The following WDPCP variants were observed in gnomAD, a reference collection of about 807,000 sequenced individuals.
WDPCP encodes the protein WD repeat containing planar cell polarity effector.
In WDPCP, 71 loss-of-function variants were observed where a neutral mutation model predicts 93.1. That is an observed-to-expected ratio of 0.76 (90% CI 0.63 to 0.93). WDPCP has a LOEUF of 0.93. Among genes scored for constraint, WDPCP ranks in the 40% least tolerant of loss-of-function variants. WDPCP has a pLI of 0.00. For missense variants in WDPCP, 844 were observed against 887.4 expected, an observed-to-expected ratio of 0.95 and a Z score of 0.62; for synonymous variants, 315 against 315.0, an observed-to-expected ratio of 1.00 and a Z score of 0.00.
intron 6 of WDPCP, among the ~76,000 whole-genome samples, chr2:63,450,430 C>G (rs951263894): frequency 1.3e-5 from 2 of 152,198 alleles, no homozygotes; most frequent in African/African-American, 4.8e-5. Context: ...CTGCTACTGG[C>G]ATCACCCATA....
chr2:63,221,427 C>G (rs893274027), intron 14 of WDPCP, among the ~76,000 whole-genome samples: 1 of 152,052 alleles, frequency 6.6e-6, no homozygotes, highest in African/African-American at 2.4e-5. Flanking sequence ...ACAGAGGAGC[C>G]AATAGGCCCA....
chr2:63,386,965 A>G (rs562949006), intron 10 of WDPCP, among the ~76,000 whole-genome samples: 58 of 152,224 alleles, frequency 3.8e-4, no homozygotes, highest in African/African-American at 1.2e-3. Context: ...TGAACAGACC[A>G]ATAACAAGCT....
chr2:63,563,930 C>T (rs1190985987), intron 1 of WDPCP, among the ~76,000 whole-genome samples: 1 of 152,160 alleles, frequency 6.6e-6, no homozygotes, highest in Non-Finnish European at 1.5e-5. Context: ...TGGGCTAAGA[C>T]AGTGGCGATG....
At chr2:63,572,014 G>T (rs61110897) in intron 1 of WDPCP, among the ~76,000 whole-genome samples, 2,353 of 152,220 alleles carry the variant, frequency 0.015, 63 homozygotes, top group African/African-American at 0.054. Flanking sequence ...AACTTTAACA[G>T]AAAGGAAAAT....
At chr2:63,526,693 T>C (rs979417463) in intron 1 of WDPCP, among the ~76,000 whole-genome samples, 3 of 152,246 alleles carry the variant, frequency 2.0e-5, no homozygotes, top group African/African-American at 7.2e-5. Context: ...TTTACATGGC[T>C]GGCTGCTTCT....
At chr2:63,268,400 ACACTATATGATGACCAG>A (rs1243946228) in intron 13 of WDPCP, among the ~76,000 whole-genome samples, 1 of 152,238 alleles carries the variant, frequency 6.6e-6, no homozygotes, top group Non-Finnish European at 1.5e-5. Context: ...GTGATCATTT[ACACTATATGATGACCAG>A]CATTAATAGC....
chr2:63,394,597 T>A (rs1693558319), intron 10 of WDPCP, among the ~76,000 whole-genome samples: 2 of 152,148 alleles, frequency 1.3e-5, no homozygotes. Context: ...CGTATGTTTG[T>A]CACAGCATTA....
At chr2:63,459,392 A>T (rs1425069568) in intron 6 of WDPCP, among the ~76,000 whole-genome samples, 1 of 152,166 alleles carries the variant, frequency 6.6e-6, no homozygotes, top group East Asian at 1.9e-4. Context: ...AAACTCATTT[A>T]AAAAAATGAG....
chr2:63,532,865 A>G (rs1461759764), intron 1 of WDPCP, among the ~76,000 whole-genome samples: 2 of 152,218 alleles, frequency 1.3e-5, no homozygotes, highest in Admixed American at 1.3e-4. Flanking sequence ...AACAATATTA[A>G]CCTTAAATAT....
At chr2:63,698,753 G>C (rs1423895055) in intron 2 of WDPCP, among the ~76,000 whole-genome samples, 1 of 152,122 alleles carries the variant, frequency 6.6e-6, no homozygotes, top group Non-Finnish European at 1.5e-5. Context: ...AAGAGGGAGG[G>C]GGGAATAAAG....
intron 13 of WDPCP, among the ~76,000 whole-genome samples, chr2:63,281,996 C>G (rs1683594120): frequency 6.6e-6 from 1 of 151,950 alleles, no homozygotes; most frequent in South Asian, 2.1e-4. Flanking sequence ...ATAAAATGAA[C>G]CATACCACCC....
chr2:63,201,474 T>G (rs1217005171), intron 14 of WDPCP, among the ~76,000 whole-genome samples: 1 of 152,232 alleles, frequency 6.6e-6, no homozygotes, highest in Non-Finnish European at 1.5e-5. Context: ...TAAAAGTTTT[T>G]ACACTGATAC....
chr2:63,313,870 A>ATATGTGTGTG lies in WDPCP; in HGVS notation c.1749-560_1749-559insCACACACATA, dbSNP rs760895938. Among the ~76,000 whole-genome samples, 33 of 48,670 alleles carry ATATGTGTGTG rather than the reference A, an allele frequency of 6.8e-4. 4 individuals carry two copies. Among genetic ancestry groups the ATATGTGTGTG allele is most frequent in the South Asian group, 2.9e-3 (4 of 1,376 alleles). 31.9% of individuals were successfully genotyped at this position (48,670 alleles called of 152,430 possible). A position where few individuals can be genotyped will look rare whatever the true frequency, so the allele number is the denominator to read the frequency against. ...TATTCATACATATATATATATATATATATATATATATATATATTTTTTTTT... is the reference window on the plus strand; with the variant it reads ...TATTCATACATATATATATATATATATATGTGTGTGTATATATATATATATATTTTTTTTT... On this transcript the variant is annotated intron_variant, in intron 12 of 17. Coordinates refer to ENST00000272321, the MANE Select transcript of WDPCP (RefSeq NM_015910.7).
intron 9 of WDPCP, among the ~76,000 whole-genome samples, chr2:63,409,194 A>G (rs1694833696): frequency 6.6e-6 from 1 of 152,208 alleles, no homozygotes; most frequent in African/African-American, 2.4e-5. Flanking sequence ...TCCACGGCTG[A>G]GAGACCCACA....
At chr2:63,299,101 G>A (rs1039628688) in intron 13 of WDPCP, among the ~76,000 whole-genome samples, 4 of 152,156 alleles carry the variant, frequency 2.6e-5, no homozygotes, top group Admixed American at 1.3e-4. Flanking sequence ...CATGGAGAAC[G>A]TCATTCCACA....
At chr2:63,406,481 G>C (rs1694596752) in intron 9 of WDPCP, among the ~76,000 whole-genome samples, 1 of 152,108 alleles carries the variant, frequency 6.6e-6, no homozygotes, top group South Asian at 2.1e-4. Context: ...ACTTGTAAAG[G>C]AGAAAAAGTA....
intron 9 of WDPCP, among the ~76,000 whole-genome samples, chr2:63,432,757 G>A (rs1031037307): frequency 5.9e-5 from 9 of 152,052 alleles, no homozygotes; most frequent in Non-Finnish European, 1.2e-4. Flanking sequence ...ATCCATAGAA[G>A]CACTTTTTAG....
At chr2:63,685,572 T>C (rs557984603) in intron 2 of WDPCP, among the ~76,000 whole-genome samples, 38 of 152,264 alleles carry the variant, frequency 2.5e-4, no homozygotes, top group African/African-American at 8.9e-4. Flanking sequence ...CCATAAAATA[T>C]AGGTGAAGGG....
At chr2:63,780,806 C>T (rs1670381241) in intron 2 of WDPCP, among the ~76,000 whole-genome samples, 1 of 152,130 alleles carries the variant, frequency 6.6e-6, no homozygotes, top group African/African-American at 2.4e-5. Flanking sequence ...TAACTTCAGG[C>T]AGAATGGAAG....
Sources: allele counts gnomAD v4.1 joint callset (sites outside exome capture counted in the v4.1 genomes callset), GRCh38; gene constraint gnomAD v4.1.1; transcripts MANE v1.5; gene names NCBI Gene and HGNC (gene_info 2026-07-23, HGNC 2026-07-21).